Variants in NOL4 observed in about 807,000 individuals in gnomAD.
NOL4 encodes the protein cancer/testis antigen 125.
A neutral mutation model predicts 75.9 loss-of-function variants in NOL4; 17 were observed. The observed-to-expected ratio is 0.22, with a 90% CI of 0.15 to 0.34. NOL4 has a LOEUF of 0.34. Among genes scored for constraint, NOL4 ranks in the 10% least tolerant of loss-of-function variants. The pLI is 1.00. For synonymous variants in NOL4, 292 were observed against 289.9 expected (o/e 1.01, Z -0.07); for missense variants, 614 against 793.5 (o/e 0.77, Z 2.72).
rs138296035 is a variant in NOL4 at position 34,074,432 on chromosome 18, A to G, written c.772+19033T>C. Reference sequence around the variant, plus strand: ...AACCTTGTGTAATAAACACAAACAAAAAATACATACACTAAGAAATTTGCA... The same window carrying G: ...AACCTTGTGTAATAAACACAAACAAGAAATACATACACTAAGAAATTTGCA... On this transcript the variant is annotated intron_variant, in intron 5 of 10. Transcript: ENST00000261592. 2.8e-3 allele frequency among the ~76,000 whole-genome samples: 432 copies of G among 152,056 alleles called. 1 individual carries two copies. The highest frequency in any genetic ancestry group is 7.9e-3 in the Admixed American group (121 of 15,272).
At chr18:34,174,307 T>TG (rs767955964) in intron 1 of NOL4, among the ~76,000 whole-genome samples, 363 of 25,906 alleles carry the variant, frequency 0.014, no homozygotes, top group Non-Finnish European at 0.019. Flanking sequence ...TTGCTCTTCA[T>TG]AAAAAATTTT....
chr18:33,990,016 A>G (rs1568178305), intron 6 of NOL4, among the ~76,000 whole-genome samples: 1 of 152,140 alleles, frequency 6.6e-6, no homozygotes, highest in Non-Finnish European at 1.5e-5. Context: ...GTAGTAGCAG[A>G]CTAAAACACA....
intron 6 of NOL4, among the ~76,000 whole-genome samples, chr18:33,972,581 C>T (rs934907087): frequency 6.6e-6 from 1 of 152,106 alleles, no homozygotes; most frequent in Non-Finnish European, 1.5e-5. Flanking sequence ...AAAGATAGGA[C>T]TACCATATTT....
At chr18:34,205,396 C>G (rs772571175) in intron 1 of NOL4, among the ~76,000 whole-genome samples, 1 of 151,966 alleles carries the variant, frequency 6.6e-6, no homozygotes, top group Admixed American at 6.6e-5. Flanking sequence ...GAAACGAAAC[C>G]CAAATAGTTT....
intron 6 of NOL4, among the ~76,000 whole-genome samples, chr18:33,997,287 T>C (rs577644917): frequency 6.6e-6 from 1 of 152,084 alleles, no homozygotes; most frequent in African/African-American, 2.4e-5. Context: ...TTTATTCTTT[T>C]GCATATCAAC....
intron 1 of NOL4, among the ~76,000 whole-genome samples, chr18:34,214,602 T>G (rs188460974): frequency 2.6e-5 from 4 of 152,150 alleles, no homozygotes; most frequent in African/African-American, 9.7e-5. Context: ...ATTATTATTA[T>G]TAGTAGGGAG....
Position 33,962,079 on chromosome 18 carries a change from G to A in NOL4, c.1057-3661C>T, listed in dbSNP as rs375000574. Among the ~76,000 whole-genome samples the A allele has an allele frequency of 1.2e-4, 18 of 152,078 alleles. No homozygotes were observed. The East Asian group carries it at 1.4e-3, about 11-fold the overall frequency. On this transcript the variant is annotated intron_variant, in intron 6 of 10. Coordinates refer to ENST00000261592, the MANE Select transcript of NOL4 (RefSeq NM_003787.5). ...GCTAAGCATGCATCTTTGCCTCTACGTGAGATGGCTGGCCTGAGTCAAATC... is the reference window on the plus strand; with the variant it reads ...GCTAAGCATGCATCTTTGCCTCTACATGAGATGGCTGGCCTGAGTCAAATC...
intron 10 of NOL4, among the ~76,000 whole-genome samples, chr18:33,855,891 T>A (rs1435467925): frequency 6.6e-6 from 1 of 152,052 alleles, no homozygotes; most frequent in East Asian, 1.9e-4. Flanking sequence ...TGGTGCATTT[T>A]TGGTTGTTGT....
chr18:34,021,432 T>C (rs1265547707), intron 5 of NOL4, among the ~76,000 whole-genome samples: 1 of 151,686 alleles, frequency 6.6e-6, no homozygotes, highest in Non-Finnish European at 1.5e-5. Context: ...TAGTCTGGAG[T>C]GCAAGAAAAG....
chr18:34,171,429 A>G (rs1600790561), intron 1 of NOL4, among the ~76,000 whole-genome samples: 2 of 152,188 alleles, frequency 1.3e-5, no homozygotes, highest in East Asian at 3.8e-4. Flanking sequence ...TAAATTTGTA[A>G]TTAATTTGCT....
intron 5 of NOL4, among the ~76,000 whole-genome samples, chr18:34,032,097 A>G (rs944239491): frequency 6.6e-6 from 1 of 152,198 alleles, no homozygotes; most frequent in African/African-American, 2.4e-5. Context: ...ACCACCAAAT[A>G]TTACTGCGTC....
Position 34,019,470 on chromosome 18 carries a change from G to C in NOL4, c.904C>G (p.Gln302Glu). ...GGACTGTCACTCAGGTTCAGTGGCT[G>C]TTCATCTTGCTCCAGCCCAGTTTTG... ...DGKTGLEQDE[Q>E]PLNLSDSPLS... Residue 302 changes from glutamine to glutamate, a missense_variant, in exon 6 of 11, where the codon CAG (glutamine) becomes GAG (glutamate). Coordinates refer to ENST00000261592, the MANE Select transcript of NOL4 (RefSeq NM_003787.5). The C allele has an allele frequency of 2.5e-6, 4 of 1,613,976 alleles. No individual in the cohort carries two copies. Among genetic ancestry groups the C allele is most frequent in the East Asian group, 2.2e-5 (1 of 44,850 alleles).
intron 10 of NOL4, among the ~76,000 whole-genome samples, chr18:33,867,965 CA>C (rs2144420869): frequency 6.6e-6 from 1 of 152,038 alleles, no homozygotes; most frequent in Non-Finnish European, 1.5e-5. Flanking sequence ...TTGTCCTTCT[CA>C]AGTCTTCAAT....
In NOL4 at chr18:33,861,243, G is replaced by A. The variant is rs542686140; in HGVS notation, c.1724-8208C>T. On this transcript the variant is annotated intron_variant, in intron 10 of 10. Coordinates refer to ENST00000261592, the MANE Select transcript of NOL4 (RefSeq NM_003787.5). ...CCTCCTTGTACCTCTGGTAGAATTTGGCTGTGAATCCATCTGGTCCTGGAC... is the reference window on the plus strand; with the variant it reads ...CCTCCTTGTACCTCTGGTAGAATTTAGCTGTGAATCCATCTGGTCCTGGAC... Among the ~76,000 whole-genome samples the A allele has an allele frequency of 1.3e-4, 20 of 152,184 alleles. 1 individual carries two copies. The South Asian group carries it at 2.9e-3, about 22-fold the overall frequency.
intron 6 of NOL4, among the ~76,000 whole-genome samples, chr18:33,997,799 A>T (rs2073403686): frequency 6.6e-6 from 1 of 151,270 alleles, no homozygotes; most frequent in Admixed American, 6.6e-5. Context: ...TTCACATAAA[A>T]ATTTGCACAT....
chr18:34,062,696 T>G (rs953103590), intron 5 of NOL4, among the ~76,000 whole-genome samples: 2 of 152,138 alleles, frequency 1.3e-5, no homozygotes, highest in Non-Finnish European at 2.9e-5. Flanking sequence ...AATGTCCAAC[T>G]TTTTTGTATA....
intron 9 of NOL4, among the ~76,000 whole-genome samples, chr18:33,894,841 A>G (rs1297740140): frequency 1.3e-5 from 2 of 152,016 alleles, no homozygotes; most frequent in Non-Finnish European, 2.9e-5. Context: ...GAGACATGGA[A>G]TGGAGGGTTG....
intron 10 of NOL4, among the ~76,000 whole-genome samples, chr18:33,866,340 C>A (rs1056998230): frequency 1.3e-5 from 2 of 152,112 alleles, no homozygotes; most frequent in Non-Finnish European, 2.9e-5. Context: ...TCTTTTCCCA[C>A]TGTCTTTATC....
At chr18:33,874,606 T>C in intron 10 of NOL4, among the ~76,000 whole-genome samples, 1 of 151,966 alleles carries the variant, frequency 6.6e-6, no homozygotes, top group East Asian at 1.9e-4. Flanking sequence ...ATCCATCTTT[T>C]GTTTGGCAAT....
Sources: gnomAD v4.1 joint callset for allele counts (sites outside exome capture counted in the v4.1 genomes callset) on GRCh38, gnomAD v4.1.1 for gene constraint, MANE v1.5 for transcripts, NCBI Gene and HGNC (gene_info 2026-07-23, HGNC 2026-07-21) for gene names.